IKZF2: variants seen among roughly 807,000 people sequenced by gnomAD.
The protein encoded by IKZF2 is IKAROS family zinc finger 2, also known as zinc finger protein Helios.
IKZF2 carries 15 observed loss-of-function variants against 49.2 expected under a neutral mutation model. That is an observed-to-expected ratio of 0.30 (90% confidence interval 0.20 to 0.47). The LOEUF (loss-of-function observed/expected upper bound fraction) is 0.47. IKZF2 is among the 20% of genes least tolerant of loss of function. The pLI is 1.00. For synonymous variants in IKZF2, 227 were observed against 221.4 expected (o/e 1.03, Z -0.23); for missense variants, 567 against 664.6 (o/e 0.85, Z 1.61).
chr2:213,131,926 A>G (rs775043790), intron 4 of IKZF2, among the ~76,000 whole-genome samples: 10 of 152,194 alleles, frequency 6.6e-5, no homozygotes, highest in Non-Finnish European at 1.2e-4. Flanking sequence ...TTTAAAATAA[A>G]CAGCAAATCT....
chr2:213,021,159 G>C (rs1466429900), intron 7 of IKZF2, among the ~76,000 whole-genome samples: 1 of 152,102 alleles, frequency 6.6e-6, no homozygotes, highest in Non-Finnish European at 1.5e-5. Flanking sequence ...GTTGTGGTGA[G>C]CTGAGATCGT....
intron 4 of IKZF2, among the ~76,000 whole-genome samples, chr2:213,060,182 T>C (rs1322976890): frequency 6.6e-6 from 1 of 151,278 alleles, no homozygotes; most frequent in Non-Finnish European, 1.5e-5. Context: ...CATAGAAAAG[T>C]TTTCTCCACT....
At chr2:213,119,578 A>G (rs2059985004) in intron 4 of IKZF2, among the ~76,000 whole-genome samples, 1 of 152,246 alleles carries the variant, frequency 6.6e-6, no homozygotes, top group African/African-American at 2.4e-5. Flanking sequence ...GATGACACAC[A>G]TAAGGAAGTC....
intron 6 of IKZF2, among the ~76,000 whole-genome samples, chr2:213,044,984 T>TA (rs923759467): frequency 4.6e-5 from 7 of 151,902 alleles, no homozygotes; most frequent in South Asian, 2.1e-4. Context: ...AAAACTGTAG[T>TA]AAAAAAACAA....
At chr2:213,115,769 A>C (rs141604592) in intron 4 of IKZF2, among the ~76,000 whole-genome samples, 240 of 152,370 alleles carry the variant, frequency 1.6e-3, no homozygotes, top group Middle Eastern at 6.8e-3. Context: ...ACCAAAAGAC[A>C]ATGGAAATGC....
At chr2:213,090,927 A>G (rs939152626) in intron 4 of IKZF2, among the ~76,000 whole-genome samples, 4 of 152,132 alleles carry the variant, frequency 2.6e-5, no homozygotes, top group Non-Finnish European at 1.5e-5. Flanking sequence ...TGTTTAAGCC[A>G]CCCAGTCTGT....
intron 4 of IKZF2, among the ~76,000 whole-genome samples, chr2:213,100,845 T>G (rs141733107): frequency 9.7e-4 from 147 of 152,198 alleles, no homozygotes; most frequent in African/African-American, 3.4e-3. Context: ...AACTCAATAA[T>G]ATATTAAAAT....
intron 4 of IKZF2, among the ~76,000 whole-genome samples, chr2:213,146,759 C>CGGCGGG (rs1553604931): frequency 2.3e-5 from 2 of 87,166 alleles, no homozygotes; most frequent in Non-Finnish European, 5.2e-5. Flanking sequence ...ATTAAATCTT[C>CGGCGGG]GGGGGGGGGG....
At chr2:213,071,437 GC>G (rs1450546770) in intron 4 of IKZF2, among the ~76,000 whole-genome samples, 1 of 152,074 alleles carries the variant, frequency 6.6e-6, no homozygotes, top group East Asian at 1.9e-4. Flanking sequence ...GGGCTTTTAC[GC>G]CCGGTTTCAA....
intron 6 of IKZF2, among the ~76,000 whole-genome samples, chr2:213,038,362 C>A (rs895006662): frequency 6.6e-6 from 1 of 152,068 alleles, no homozygotes; most frequent in African/African-American, 2.4e-5. Flanking sequence ...TCCAGCTGGT[C>A]TGGTTTTAAA....
intron 4 of IKZF2, among the ~76,000 whole-genome samples, chr2:213,125,416 A>T (rs1442018902): frequency 6.6e-6 from 1 of 152,318 alleles, no homozygotes; most frequent in Non-Finnish European, 1.5e-5. Context: ...AATTATGTTT[A>T]AAAAACCGTA....
intron 5 of IKZF2, among the ~76,000 whole-genome samples, chr2:213,055,796 T>C (rs1026311739): frequency 2.4e-4 from 36 of 152,126 alleles, no homozygotes; most frequent in African/African-American, 7.5e-4. Context: ...GACTTTGACC[T>C]ACCTTGTATC....
intron 4 of IKZF2, among the ~76,000 whole-genome samples, chr2:213,141,269 G>C (rs916715914): frequency 1.3e-5 from 2 of 151,870 alleles, no homozygotes; most frequent in African/African-American, 4.8e-5. Flanking sequence ...GAAACAGCCT[G>C]TTAAATATGC....
chr2:213,061,243 T>C (rs1038134136), intron 4 of IKZF2, among the ~76,000 whole-genome samples: 3 of 151,514 alleles, frequency 2.0e-5, no homozygotes, highest in Admixed American at 2.0e-4. Flanking sequence ...AGTCATTGCT[T>C]CCAGATACAT....
chr2:213,086,867 G>GGCTAATAAT (rs1344576724), intron 4 of IKZF2, among the ~76,000 whole-genome samples: 2 of 152,032 alleles, frequency 1.3e-5, no homozygotes, highest in Admixed American at 6.6e-5. Context: ...TGATGGAATG[G>GGCTAATAAT]AATCTAACGT....
chr2:213,053,093 T>G (rs1289625792), intron 5 of IKZF2, among the ~76,000 whole-genome samples: 3 of 152,120 alleles, frequency 2.0e-5, no homozygotes, highest in Non-Finnish European at 2.9e-5. Context: ...AAGCAAATTT[T>G]AAGAAAATCT....
intron 4 of IKZF2, among the ~76,000 whole-genome samples, chr2:213,141,374 G>A (rs568878021): frequency 3.3e-5 from 5 of 151,916 alleles, no homozygotes; most frequent in South Asian, 2.1e-4. Flanking sequence ...CACCTACTTC[G>A]TTAAAACCAT....
intron 4 of IKZF2, among the ~76,000 whole-genome samples, chr2:213,139,850 G>C (rs1256955613): frequency 1.3e-5 from 2 of 151,924 alleles, no homozygotes; most frequent in Non-Finnish European, 2.9e-5. Context: ...AAAACTCTTG[G>C]AGGTAAAAGG....
chr2:213,024,786 C>T (rs1407235364), intron 6 of IKZF2, among the ~76,000 whole-genome samples: 1 of 152,024 alleles, frequency 6.6e-6, no homozygotes. Context: ...TCTGCTATCT[C>T]CACAAGACCA....
Sources: gnomAD v4.1 joint callset for allele counts (sites outside exome capture counted in the v4.1 genomes callset) on GRCh38, gnomAD v4.1.1 for gene constraint, MANE v1.5 for transcripts, NCBI Gene and HGNC (gene_info 2026-07-23, HGNC 2026-07-21) for gene names.